The following FYN variants were observed in gnomAD, a reference collection of about 807,000 sequenced individuals.
FYN encodes tyrosine-protein kinase Fyn.
A neutral mutation model predicts 70.2 loss-of-function variants in FYN; 10 were observed. The ratio of observed to expected loss-of-function variants is 0.14; its 90% CI spans 0.09 to 0.24. The LOEUF is 0.24. FYN is among the 10% of genes least tolerant of loss of function. The pLI, the probability that FYN is intolerant of heterozygous loss-of-function variation, is 1.00. For missense variants in FYN, 319 were observed against 673.1 expected (o/e 0.47, Z 5.82); for synonymous variants, 236 against 248.6 (o/e 0.95, Z 0.48).
At chr6:111,764,452 G>T (rs893675733) in intron 3 of FYN, among the ~76,000 whole-genome samples, 6 of 152,056 alleles carry the variant, frequency 3.9e-5, no homozygotes, top group Non-Finnish European at 7.4e-5. Flanking sequence ...GTTCACTCCT[G>T]AGTGAGAACT....
At chr6:111,714,134 G>A (rs1413010690) in intron 5 of FYN, among the ~76,000 whole-genome samples, 2 of 152,096 alleles carry the variant, frequency 1.3e-5, no homozygotes, top group East Asian at 1.9e-4. Context: ...AGTATTTTTG[G>A]TACTCTCCAA....
At chr6:111,854,022 G>T (rs570500467) in intron 1 of FYN, among the ~76,000 whole-genome samples, 3 of 152,208 alleles carry the variant, frequency 2.0e-5, no homozygotes, top group Non-Finnish European at 4.4e-5. Flanking sequence ...CCTTCCCTTT[G>T]TCTGCAAAAG....
intron 2 of FYN, among the ~76,000 whole-genome samples, chr6:111,800,643 C>T (rs552048470): frequency 1.3e-5 from 2 of 152,224 alleles, no homozygotes; most frequent in South Asian, 2.1e-4. Flanking sequence ...TACAAAAATA[C>T]CCACTAAGAT....
At chr6:111,748,876 G>C (rs1023529024) in intron 3 of FYN, among the ~76,000 whole-genome samples, 1 of 152,138 alleles carries the variant, frequency 6.6e-6, no homozygotes, top group Admixed American at 6.5e-5. Flanking sequence ...TGTGTTGCCT[G>C]CATTTGTAGT....
chr6:111,766,114 C>T (rs1055885719), intron 3 of FYN, among the ~76,000 whole-genome samples: 2 of 152,188 alleles, frequency 1.3e-5, no homozygotes, highest in African/African-American at 4.8e-5. Flanking sequence ...AGAGTAAGCA[C>T]TTATGAGTGT....
In FYN at chr6:111,704,269, C is replaced by G. The variant is rs535424109; in HGVS notation, c.444-167G>C. ...TTAATTCAGTTCCTTTTCAATCTAT[C>G]CTGGATTCTATCCCTAATTCATCTC... On this transcript the variant is annotated intron_variant, in intron 6 of 13. Transcript: ENST00000354650. Among the ~76,000 whole-genome samples the G allele has an allele frequency of 2.2e-3, 338 of 152,050 alleles. 1 individual carries two copies. Among genetic ancestry groups the G allele is most frequent in the Non-Finnish European group, 3.4e-3 (232 of 67,998 alleles).
chr6:111,809,537 G>C (rs2114295251), intron 2 of FYN, among the ~76,000 whole-genome samples: 1 of 152,258 alleles, frequency 6.6e-6, no homozygotes, highest in South Asian at 2.1e-4. Context: ...GCAGATGTTA[G>C]GTGGCACTAA....
intron 2 of FYN, among the ~76,000 whole-genome samples, chr6:111,827,436 T>C (rs2114394976): frequency 6.6e-6 from 1 of 152,230 alleles, no homozygotes. Flanking sequence ...TAGATGTCCC[T>C]AAAACCATTC....
chr6:111,699,615 T>TG, intron 9 of FYN: 1 of 1,614,130 alleles, frequency 6.2e-7, no homozygotes, highest in Non-Finnish European at 8.5e-7. Flanking sequence ...CAGAAGTTTG[T>TG]GGGGTACAAC....
intron 2 of FYN, among the ~76,000 whole-genome samples, chr6:111,799,628 A>G (rs543125700): frequency 6.6e-6 from 1 of 152,300 alleles, no homozygotes; most frequent in South Asian, 2.1e-4. Context: ...AAATGGTATT[A>G]ATAGGTTCAG....
chr6:111,712,593 A>AT (rs1800434074), intron 5 of FYN, among the ~76,000 whole-genome samples: 1 of 152,134 alleles, frequency 6.6e-6, no homozygotes. Context: ...CAGTTTCCTA[A>AT]TCTGGGCCTC....
chr6:111,770,334 A>G (rs898686834), intron 3 of FYN, among the ~76,000 whole-genome samples: 1 of 152,204 alleles, frequency 6.6e-6, no homozygotes, highest in African/African-American at 2.4e-5. Flanking sequence ...ACTGGCTTCT[A>G]GATAGCTTTA....
intron 2 of FYN, among the ~76,000 whole-genome samples, chr6:111,816,241 A>G (rs2114337207): frequency 6.6e-6 from 1 of 152,316 alleles, no homozygotes; most frequent in Admixed American, 6.5e-5. Flanking sequence ...AAATTTAAAC[A>G]TATTTAACTC....
At chr6:111,757,870 C>T (rs990811546) in intron 3 of FYN, among the ~76,000 whole-genome samples, 1 of 152,196 alleles carries the variant, frequency 6.6e-6, no homozygotes, top group African/African-American at 2.4e-5. Context: ...GGGGCCTGGT[C>T]AGCTCATGTT....
At chr6:111,744,197 T>C (rs922013257) in intron 3 of FYN, among the ~76,000 whole-genome samples, 6 of 152,256 alleles carry the variant, frequency 3.9e-5, no homozygotes, top group South Asian at 2.1e-4. Flanking sequence ...AATATTACAT[T>C]GGCCCAGCAA....
At chr6:111,820,752 A>G (rs901768624) in intron 2 of FYN, among the ~76,000 whole-genome samples, 1 of 152,132 alleles carries the variant, frequency 6.6e-6, no homozygotes, top group African/African-American at 2.4e-5. Flanking sequence ...ATTATAAAAA[A>G]AAATGATATA....
At chr6:111,826,931 G>C (rs999721322) in intron 2 of FYN, among the ~76,000 whole-genome samples, 1 of 152,164 alleles carries the variant, frequency 6.6e-6, no homozygotes, top group African/African-American at 2.4e-5. Context: ...ACCTTAGAAA[G>C]GGACCTTTAG....
chr6:111,829,182 A>C (rs1772933319), intron 2 of FYN, among the ~76,000 whole-genome samples: 1 of 152,226 alleles, frequency 6.6e-6, no homozygotes, highest in Admixed American at 6.5e-5. Flanking sequence ...CCAGAGCCTG[A>C]AGTCAGATTT....
In FYN at chr6:111,808,086, C is replaced by T. The variant is rs374424266; in HGVS notation, c.-81-27451G>A. ...CTGCACCATTGTACTCCAGCCTGGG[C>T]GATAGAGCAACACTCAGCCTCAAAA... is the stretch of plus-strand genomic sequence containing the variant. On this transcript the variant is annotated intron_variant, in intron 2 of 13. Coordinates refer to ENST00000354650, the MANE Select transcript of FYN (RefSeq NM_002037.5). Among the ~76,000 whole-genome samples the T allele has an allele frequency of 2.4e-4, 36 of 151,828 alleles. 1 individual carries two copies. The highest frequency in any genetic ancestry group is 3.4e-3 in the Middle Eastern group (1 of 294).
Sources: allele counts gnomAD v4.1 joint callset (sites outside exome capture counted in the v4.1 genomes callset), GRCh38; gene constraint gnomAD v4.1.1; transcripts MANE v1.5; gene names NCBI Gene and HGNC (gene_info 2026-07-23, HGNC 2026-07-21).